Variants in TCF3 observed in about 807,000 individuals in gnomAD.
The protein encoded by TCF3 is transcription factor 3.
TCF3 carries 54 observed loss-of-function variants against 72.3 expected under a neutral mutation model. That is an observed-to-expected ratio of 0.75 (90% CI 0.60 to 0.94). The LOEUF (loss-of-function observed/expected upper bound fraction) is 0.94, where lower values mean the gene tolerates loss of function less well. Ranked by LOEUF, TCF3 falls within the 40% of genes least tolerant of loss-of-function variation. The pLI is 0.00. For missense variants in TCF3, 1,078 were observed against 934.4 expected, an observed-to-expected ratio of 1.15 and a Z score of -2.00; for synonymous variants, 525 against 412.6, an observed-to-expected ratio of 1.27 and a Z score of -3.30.
intron 18 of TCF3, chr19:1,612,552 G>A (rs906773728): frequency 8.2e-6 from 8 of 972,818 alleles, no homozygotes; most frequent in Non-Finnish European, 1.2e-5. Flanking sequence ...GCAGCAGTGT[G>A]GGTACACGGC....
intron 3 of TCF3, among the ~76,000 whole-genome samples, chr19:1,642,159 C>CACACAG (rs1409419530): frequency 1.3e-5 from 2 of 151,514 alleles, no homozygotes; most frequent in East Asian, 3.9e-4. Context: ...CACACACACA[C>CACACAG]ACACACGCAC....
Position 1,622,427 on chromosome 19 carries a change from T to TAACACGGGGGGGGGGGG in TCF3, c.550-13_550-12insCCCCCCCCCCCCGTGTT. 1 of 440,432 alleles carries TAACACGGGGGGGGGGGG rather than the reference T, an allele frequency of 2.3e-6. No individual in the cohort carries two copies. Among genetic ancestry groups the TAACACGGGGGGGGGGGG allele is most frequent in the Non-Finnish European group, 3.9e-6 (1 of 257,376 alleles). The allele number at this position is 440,432 out of a possible 1,614,324, so 27.3% of individuals were successfully genotyped here. A position where few individuals can be genotyped will look rare whatever the true frequency, so the allele number is the denominator to read the frequency against. ...CTGGGTGGGTACACCTGCGGGCGGG[T>TAACACGGGGGGGGGGGG]GGGCGGTGGGGGGTGCAGTCAGGAC... On this transcript the variant is annotated splice_polypyrimidine_tract_variant and intron_variant, in intron 8 of 18. Coordinates refer to ENST00000262965, the MANE Select transcript of TCF3 (RefSeq NM_003200.5).
In TCF3 at chr19:1,615,377, T is replaced by A; in HGVS notation, c.1730A>T (p.Gln577Leu). The A allele has an allele frequency of 6.2e-7, 1 of 1,614,050 alleles. No individual in the cohort carries two copies. Among genetic ancestry groups the A allele is most frequent in the South Asian group, 1.1e-5 (1 of 91,084 alleles). The part of the protein sequence containing the change: ...EAFKELGRMC[Q>L]LHLNSEKPQT... ...GGGCTTCTCGCTGTTGAGGTGCAGT[T>A]GGCACATGCGCCCCAGCTCCTTAAA... is the stretch of plus-strand genomic sequence containing the variant. Residue 577 changes from glutamine (Q) to leucine (L), a missense_variant, in exon 18 of 19, where the codon CAA becomes CTA. Gln to Leu is a moderately radical substitution (Grantham distance 113). Coordinates refer to ENST00000262965, the MANE Select transcript of TCF3 (RefSeq NM_003200.5). The surrounding 1 kb of genome is among the most constrained non-coding windows in gnomAD (Gnocchi z 7.3).
intron 3 of TCF3, among the ~76,000 whole-genome samples, chr19:1,637,520 C>A (rs764788573): frequency 6.6e-6 from 1 of 152,176 alleles, no homozygotes; most frequent in Non-Finnish European, 1.5e-5. Context: ...CAGAGATAAC[C>A]GAGACCCCAT....
chr19:1,651,308 C>T (rs369843540), intron 1 of TCF3: 23 of 228,524 alleles, frequency 1.0e-4, no homozygotes, highest in Non-Finnish European at 1.7e-4. Context: ...GAGGAGCCTC[C>T]GAGGTCGAGG....
Position 1,645,345 on chromosome 19 carries a change from G to A in TCF3, c.145+1010C>T, listed in dbSNP as rs10419298. 3.8e-3 allele frequency among the ~76,000 whole-genome samples: 564 copies of A among 147,884 alleles called. 4 individuals are homozygous for A. Among genetic ancestry groups the A allele is most frequent in the African/African-American group, 0.013 (526 of 40,644 alleles). On this transcript the variant is annotated intron_variant, in intron 3 of 18. Transcript: ENST00000262965. ...CTCTGAAGCAGCATCGGGGGCACCC[G>A]CCCCAACCTCCCCCACCAAATCCTG...
Position 1,646,369 on chromosome 19 carries a change from T to C in TCF3, c.131A>G (p.Gln44Arg), listed in dbSNP as rs1195429142. 1 of 1,550,092 alleles carries C rather than the reference T, an allele frequency of 6.5e-7. No homozygotes were observed. Among genetic ancestry groups the C allele is most frequent in the Non-Finnish European group, 8.7e-7 (1 of 1,146,600 alleles). The change falls in exon 3 of 19, where the codon CAG becomes CGG. Residue 44 changes from glutamine (Q) to arginine (R), a missense_variant. Gln to Arg is a conservative substitution (Grantham distance 43, BLOSUM62 1). Transcript: ENST00000262965. The part of the protein sequence containing the change: ...KGRPASLAGA[Q>R]FGGSGLEDRP... Reference sequence around the variant, plus strand: ...CGGGGTCCTACCTGAACCTCCGAACTGCGCCCCGGCCAGGGAGGCGGGCCG... The same window carrying C: ...CGGGGTCCTACCTGAACCTCCGAACCGCGCCCCGGCCAGGGAGGCGGGCCG...
Position 1,649,573 on chromosome 19 carries a change from G to A in TCF3, c.72+604C>T, listed in dbSNP as rs567226027. Among the ~76,000 whole-genome samples, 329 of 152,296 alleles carry A rather than the reference G, an allele frequency of 2.2e-3. 1 individual carries two copies. The highest frequency in any genetic ancestry group is 3.6e-3 in the Non-Finnish European group (242 of 68,028). On this transcript the variant is annotated intron_variant, in intron 2 of 18. Transcript: ENST00000262965. ...CCACAGGCATCTACCACCACTCCTA[G>A]CTAATTTTTTGAGTTTTGTTTTGTC...
In TCF3 at chr19:1,615,607, G is replaced by A; in HGVS notation, c.1586+79C>T. On this transcript the variant is annotated intron_variant, in intron 17 of 18. Coordinates refer to ENST00000262965, the MANE Select transcript of TCF3 (RefSeq NM_003200.5). This position sits in a 1 kb window ranked among gnomAD's most constrained non-coding sequence, Gnocchi z 7.3. ...GGCCCGCCGACGGCCTCCCAGTGTG[G>A]GTGCGGTGTGCGTGTGGCCTGTGCA... is the stretch of plus-strand genomic sequence containing the variant. 6.2e-7 allele frequency: 1 copy of A among 1,609,054 alleles called. No homozygotes were observed. Among genetic ancestry groups the A allele is most frequent in the Admixed American group, 1.7e-5 (1 of 59,996 alleles).
intron 3 of TCF3, among the ~76,000 whole-genome samples, chr19:1,634,178 A>C (rs1452773913): frequency 6.6e-6 from 1 of 152,240 alleles, no homozygotes; most frequent in East Asian, 1.9e-4. Flanking sequence ...AATGACAAAA[A>C]TAAGGACAGC....
intron 3 of TCF3, among the ~76,000 whole-genome samples, chr19:1,640,314 T>C (rs919546678): frequency 1.3e-5 from 2 of 151,798 alleles, no homozygotes; most frequent in Non-Finnish European, 2.9e-5. Flanking sequence ...GGCGGGAGGA[T>C]CACCAGGTCA....
At chr19:1,632,484 G>A in intron 3 of TCF3, 79 bp from the exon 4 acceptor site, 2 of 1,453,660 alleles carry the variant, frequency 1.4e-6, no homozygotes, top group South Asian at 1.2e-5. Context: ...CATCTCAGGG[G>A]CAAACCTCAG....
chr19:1,627,263 C>T, intron 6 of TCF3, 96 bp downstream of exon 6: 2 of 806,844 alleles, frequency 2.5e-6, no homozygotes, highest in Non-Finnish European at 3.4e-6. Context: ...GCAAACATAA[C>T]CTAGCTAAGC....
rs1238430855 is a variant in TCF3, at chr19:1,652,209, C to G, written c.-40+91G>C. The G allele has an allele frequency of 2.7e-5, 4 of 148,932 alleles. No homozygotes were observed. The East Asian group carries it at 6.0e-4, about 22-fold the overall frequency. 9.2% of individuals were successfully genotyped at this position (148,932 alleles called of 1,614,324 possible). A position where few individuals can be genotyped will look rare whatever the true frequency, so the allele number is the denominator to read the frequency against. On this transcript the variant is annotated intron_variant, in intron 1 of 18. Transcript: ENST00000262965. ...CCCGCCCCAACTTCCTCCGCGCCCC[C>G]CCCCAACAAGCGCGCGCGGGGCGGG... is the stretch of plus-strand genomic sequence containing the variant.
In TCF3 at chr19:1,611,577, G is replaced by T; in HGVS notation, c.*130C>A. The T allele has an allele frequency of 1.5e-6, 2 of 1,291,298 alleles. No individual in the cohort carries two copies. 80.0% of individuals were successfully genotyped at this position (1,291,298 alleles called of 1,614,324 possible). On this transcript the variant is annotated 3_prime_UTR_variant, in exon 19 of 19. Transcript: ENST00000262965. ...CCATCACTCCGAACCTTGTCAGGTT[G>T]GTGTTGGCTCGATGCTGACAACAGG... is the stretch of plus-strand genomic sequence containing the variant.
chr19:1,632,017 C>T (rs768630864), intron 5 of TCF3, 21 bp downstream of exon 5: 13 of 1,610,056 alleles, frequency 8.1e-6, no homozygotes, highest in Admixed American at 5.0e-5. Flanking sequence ...GCAGAGGGAC[C>T]GCACCAGGCC....
chr19:1,651,803 C>G lies in TCF3; in HGVS notation c.-40+497G>C, dbSNP rs1031811963. On this transcript the variant is annotated intron_variant, in intron 1 of 18. Transcript: ENST00000262965. ...CGGAGCAGATGTTACCCGCGCGCCC[C>G]CCCCCGGCCCGCCCGGCCCCGACCA... Among the ~76,000 whole-genome samples the G allele has an allele frequency of 1.3e-4, 19 of 151,734 alleles. 1 individual carries two copies. Among genetic ancestry groups the G allele is most frequent in the African/African-American group, 4.1e-4 (17 of 41,382 alleles).
chr19:1,621,959 C>G lies in TCF3; in HGVS notation c.834G>C (p.Leu278=). ...LHQHERMGYQ[L]HGAEVNGGLP... ...GCCCACCGTTCACCTCTGCTCCATG[C>G]AGCTGGTAGCCCTGGGGGGTCAGGC... is the stretch of plus-strand genomic sequence containing the variant. Residue 278 remains leucine, a synonymous_variant, in exon 11 of 19, where the codon CTG becomes CTC. Coordinates refer to ENST00000262965, the MANE Select transcript of TCF3 (RefSeq NM_003200.5). The G allele has an allele frequency of 6.2e-7, 1 of 1,605,812 alleles. No individual in the cohort carries two copies. Among genetic ancestry groups the G allele is most frequent in the Non-Finnish European group, 8.5e-7 (1 of 1,176,666 alleles).
chr19:1,627,562 G>A (rs1233865449), intron 5 of TCF3, 136 bp from the exon 6 acceptor site: 3 of 759,500 alleles, frequency 3.9e-6, no homozygotes, highest in Admixed American at 2.4e-5. Flanking sequence ...GATGCTGGCA[G>A]AGCCTGACCC....
Sources: allele counts gnomAD v4.1 joint callset (sites outside exome capture counted in the v4.1 genomes callset), GRCh38; gene constraint gnomAD v4.1.1; non-coding constraint Gnocchi (gnomAD v3.1); transcripts MANE v1.5; gene names NCBI Gene and HGNC (gene_info 2026-07-23, HGNC 2026-07-21).